Variants in RASA2 observed in about 807,000 individuals in gnomAD.
RASA2 encodes the protein RAS p21 protein activator 2.
In RASA2, 155 loss-of-function variants were observed where a neutral mutation model predicts 118.2. The observed-to-expected ratio is 1.31, with a 90% confidence interval of 1.15 to 1.50. The LOEUF (loss-of-function observed/expected upper bound fraction) is 1.50. RASA2 is among the 40% of genes most tolerant of loss of function. The pLI is 0.00. For missense variants in RASA2, 1,016 were observed against 1,009.6 expected (o/e 1.01, Z -0.09); for synonymous variants, 353 against 349.1 (o/e 1.01, Z -0.12).
At chr3:141,490,348 A>C (rs1234366837) in intron 1 of RASA2, among the ~76,000 whole-genome samples, 3 of 151,956 alleles carry the variant, frequency 2.0e-5, no homozygotes. Context: ...AAAAAAAAAA[A>C]AAAAAAAAAC....
At chr3:141,498,974 G>A (rs964014419) in intron 1 of RASA2, among the ~76,000 whole-genome samples, 1 of 152,156 alleles carries the variant, frequency 6.6e-6, no homozygotes, top group Non-Finnish European at 1.5e-5. Flanking sequence ...ACTGAAACCG[G>A]AAGTGGGCAA....
chr3:141,574,183 T>A (rs535525283), intron 14 of RASA2, 116 bp downstream of exon 14: 25 of 593,684 alleles, frequency 4.2e-5, no homozygotes, highest in Non-Finnish European at 5.2e-5. Flanking sequence ...TATTTATTTT[T>A]ATTTTATTTT....
intron 1 of RASA2, among the ~76,000 whole-genome samples, chr3:141,509,560 T>C (rs2081919223): frequency 6.6e-6 from 1 of 152,224 alleles, no homozygotes; most frequent in Admixed American, 6.5e-5. Context: ...AAATTTTTTA[T>C]ATTTTAGGTC....
At chr3:141,525,014 A>G (rs184795198) in intron 3 of RASA2, 1 of 152,312 alleles carries the variant, frequency 6.6e-6, no homozygotes, top group East Asian at 1.9e-4. Flanking sequence ...TATTGTATCT[A>G]AAAATGGGTC....
chr3:141,571,329 C>G (rs1420551568), intron 10 of RASA2, 77 bp from the exon 11 acceptor site: 12 of 1,518,014 alleles, frequency 7.9e-6, no homozygotes, highest in African/African-American at 1.4e-5. Flanking sequence ...ATTTCAGTTA[C>G]TTTTACAGGC....
At chr3:141,542,263 T>A (rs1179200599) in intron 5 of RASA2, among the ~76,000 whole-genome samples, 2 of 152,162 alleles carry the variant, frequency 1.3e-5, no homozygotes, top group Non-Finnish European at 2.9e-5. Flanking sequence ...CAAAGTGTTA[T>A]TTGAACAAAA....
At chr3:141,580,085 A>AAAAAAAAATATATATATAT (rs1553797703) in intron 15 of RASA2, among the ~76,000 whole-genome samples, 1 of 59,618 alleles carries the variant, frequency 1.7e-5, no homozygotes, top group Non-Finnish European at 2.9e-5. Context: ...AAAAAAAAAA[A>AAAAAAAAATATATATATAT]ATATATATAT....
intron 19 of RASA2, among the ~76,000 whole-genome samples, chr3:141,598,959 A>G (rs1009036598): frequency 3.3e-5 from 5 of 151,998 alleles, no homozygotes; most frequent in African/African-American, 4.8e-5. Flanking sequence ...GTCGTGGTGC[A>G]TGCCTGTAAT....
At chr3:141,487,381 C>T (rs1268456091) in intron 1 of RASA2, among the ~76,000 whole-genome samples, 165 bp downstream of exon 1, 3 of 147,066 alleles carry the variant, frequency 2.0e-5, no homozygotes, top group Non-Finnish European at 4.5e-5. Flanking sequence ...TGTTGGGGGG[C>T]GGCGTCGCCT....
At position 141,573,982 on chromosome 3, in the gene RASA2, A is replaced by C; in HGVS notation, c.1398A>C (p.Thr466=). The C allele has an allele frequency of 6.3e-7, 1 of 1,591,468 alleles. No individual in the cohort carries two copies. Among genetic ancestry groups the C allele is most frequent in the Non-Finnish European group, 8.6e-7 (1 of 1,164,642 alleles). Residue 466 remains threonine (T), a synonymous_variant, in exon 14 of 24, where the codon ACA becomes ACC. Transcript: ENST00000286364. The part of the protein sequence containing the change: ...LRYYVDKLFN[T]IVKSSMSCPT... ...ACTATGTAGACAAGTTATTCAATAC[A>C]ATTGTAAAATCAAGTATGAGCTGCC...
At chr3:141,591,029 G>A (rs910737847) in intron 19 of RASA2, among the ~76,000 whole-genome samples, 4 of 152,118 alleles carry the variant, frequency 2.6e-5, no homozygotes, top group Non-Finnish European at 1.5e-5. Flanking sequence ...TTATGGCCCT[G>A]TGTACTTACA....
chr3:141,588,364 A>G (rs1362403168), intron 19 of RASA2, among the ~76,000 whole-genome samples: 1 of 152,244 alleles, frequency 6.6e-6, no homozygotes, highest in Non-Finnish European at 1.5e-5. Flanking sequence ...TGGATATAGT[A>G]AGCAAAACAG....
chr3:141,589,315 T>C (rs1346783787), intron 19 of RASA2, among the ~76,000 whole-genome samples: 3 of 152,240 alleles, frequency 2.0e-5, no homozygotes, highest in Admixed American at 6.5e-5. Flanking sequence ...AAATGAGTTC[T>C]TTTTTCTTCA....
At chr3:141,609,572 T>C (rs2083604569) in intron 22 of RASA2, 49 bp downstream of exon 22, 1 of 1,356,652 alleles carries the variant, frequency 7.4e-7, no homozygotes, top group Non-Finnish European at 1.0e-6. Context: ...CATTACCAAT[T>C]CCTAAAGTAT....
rs752121350 is a variant in RASA2 at position 141,571,446 on chromosome 3, G to C, written c.1061G>C (p.Cys354Ser). Reference protein sequence around the residue: ...ASAAYILSEICRDKNDAVLPL... With the variant: ...ASAAYILSEISRDKNDAVLPL... ...GCTGCTTACATTTTGAGTGAAATATGTCGAGATAAAAATGATGCTGTTTTG... is the reference window on the plus strand; with the variant it reads ...GCTGCTTACATTTTGAGTGAAATATCTCGAGATAAAAATGATGCTGTTTTG... The change falls in exon 11 of 24, where the codon TGT becomes TCT. Residue 354 changes from cysteine to serine, a missense_variant. Cys to Ser is a moderately radical substitution (Grantham distance 112, BLOSUM62 -1). Transcript: ENST00000286364. 1.2e-6 allele frequency: 2 copies of C among 1,613,698 alleles called. No individual in the cohort carries two copies. Among genetic ancestry groups the C allele is most frequent in the Non-Finnish European group, 1.7e-6 (2 of 1,179,802 alleles).
intron 5 of RASA2, among the ~76,000 whole-genome samples, chr3:141,541,945 T>C (rs756996887): frequency 1.3e-5 from 2 of 152,022 alleles, no homozygotes; most frequent in Non-Finnish European, 2.9e-5. Context: ...CTGGATTAGG[T>C]CTTCCACTCC....
Position 141,571,467 on chromosome 3 carries a change from T to G in RASA2, c.1082T>G (p.Val361Gly). The G allele has an allele frequency of 6.2e-7, 1 of 1,613,716 alleles. No homozygotes were observed. Among genetic ancestry groups the G allele is most frequent in the Non-Finnish European group, 8.5e-7 (1 of 1,179,730 alleles). ...SEICRDKNDAVLPLVRLLLHH... is the reference protein window; with the variant it reads ...SEICRDKNDAGLPLVRLLLHH... ...ATATGTCGAGATAAAAATGATGCTG[T>G]TTTGCCCCTTGTACGACTGCTGCTG... The change falls in exon 11 of 24, where the codon GTT (valine) becomes GGT (glycine). Residue 361 changes from valine (V) to glycine (G), a missense_variant. By Grantham distance (109) the Val-to-Gly change is moderately radical (BLOSUM62 -3). Transcript: ENST00000286364.
At chr3:141,512,058 C>G in intron 1 of RASA2, 105 bp from the exon 2 acceptor site, 5 of 528,242 alleles carry the variant, frequency 9.5e-6, no homozygotes, top group Non-Finnish European at 9.3e-6. Flanking sequence ...TTTTTTTTTT[C>G]TGTGCCACAT....
chr3:141,552,772 A>T (rs2082593425), intron 5 of RASA2, among the ~76,000 whole-genome samples: 1 of 152,206 alleles, frequency 6.6e-6, no homozygotes, highest in African/African-American at 2.4e-5. Flanking sequence ...ACTCTGCAGT[A>T]TACCAATAGC....
Sources: allele counts gnomAD v4.1 joint callset (sites outside exome capture counted in the v4.1 genomes callset), GRCh38; gene constraint gnomAD v4.1.1; transcripts MANE v1.5; gene names NCBI Gene and HGNC (gene_info 2026-07-23, HGNC 2026-07-21).